The following EYS variants were observed in gnomAD, a reference collection of about 807,000 sequenced individuals.
The protein encoded by EYS is protein eyes shut homolog.
EYS carries 250 observed loss-of-function variants against 282.1 expected under a neutral mutation model. The ratio of observed to expected loss-of-function variants is 0.89; its 90% CI spans 0.80 to 0.98. The LOEUF is 0.98. EYS is among the 50% of genes least tolerant of loss of function. The pLI is 0.00. For synonymous variants in EYS, 1,355 were observed against 1,282.9 expected (o/e 1.06, Z -1.20); for missense variants, 4,016 against 3,709.0 (o/e 1.08, Z -2.15).
chr6:65,438,891 A>G (rs1452000411), intron 5 of EYS, among the ~76,000 whole-genome samples: 9 of 151,926 alleles, frequency 5.9e-5, no homozygotes, highest in Non-Finnish European at 2.9e-5. Flanking sequence ...GGCTTTTGTT[A>G]CCATTGCTTT....
chr6:65,428,188 T>C (rs1582278061), intron 5 of EYS, among the ~76,000 whole-genome samples: 1 of 152,156 alleles, frequency 6.6e-6, no homozygotes, highest in African/African-American at 2.4e-5. Flanking sequence ...AGTATGCTTA[T>C]GTTCATTATT....
chr6:65,359,495 T>C (rs1764617113), intron 8 of EYS, among the ~76,000 whole-genome samples: 1 of 152,016 alleles, frequency 6.6e-6, no homozygotes, highest in South Asian at 2.1e-4. Context: ...TTAGGAAAGA[T>C]AATGATTTCC....
At chr6:64,347,499 G>T (rs565843035) in intron 29 of EYS, among the ~76,000 whole-genome samples, 1 of 151,332 alleles carries the variant, frequency 6.6e-6, no homozygotes, top group South Asian at 2.1e-4. Flanking sequence ...AAATAAATTT[G>T]GCTGCATTTT....
At chr6:64,390,997 T>C in intron 28 of EYS, among the ~76,000 whole-genome samples, 1 of 152,060 alleles carries the variant, frequency 6.6e-6, no homozygotes, top group Non-Finnish European at 1.5e-5. Flanking sequence ...CAGGAGCCGA[T>C]GCGAATCAAC....
At chr6:64,537,083 T>C (rs1393310551) in intron 26 of EYS, among the ~76,000 whole-genome samples, 2 of 151,444 alleles carry the variant, frequency 1.3e-5, no homozygotes, top group African/African-American at 2.4e-5. Flanking sequence ...TGTATACATG[T>C]GCCATGCTGG....
intron 35 of EYS, among the ~76,000 whole-genome samples, chr6:63,969,564 C>G (rs1032197859): frequency 6.6e-6 from 1 of 152,186 alleles, no homozygotes; most frequent in Non-Finnish European, 1.5e-5. Flanking sequence ...ACTATTAGGA[C>G]TTATTTTGTT....
At chr6:64,916,423 T>C (rs988287621) in intron 15 of EYS, among the ~76,000 whole-genome samples, 2 of 152,174 alleles carry the variant, frequency 1.3e-5, no homozygotes, top group Non-Finnish European at 2.9e-5. Flanking sequence ...CTGAGTTCTA[T>C]GGAGATAACA....
intron 35 of EYS, among the ~76,000 whole-genome samples, chr6:63,948,076 T>C (rs1765451602): frequency 6.6e-6 from 1 of 152,166 alleles, no homozygotes; most frequent in Non-Finnish European, 1.5e-5. Context: ...CAAAAACACC[T>C]CAACTATTTG....
At chr6:64,296,108 C>T (rs78598930) in intron 30 of EYS, among the ~76,000 whole-genome samples, 2 of 152,046 alleles carry the variant, frequency 1.3e-5, no homozygotes, top group African/African-American at 4.8e-5. Context: ...CACTTTTTAA[C>T]TCACCTTTAA....
At chr6:64,731,650 G>A (rs145421506) in intron 22 of EYS, among the ~76,000 whole-genome samples, 96 of 152,252 alleles carry the variant, frequency 6.3e-4, no homozygotes, top group African/African-American at 2.1e-3. Flanking sequence ...TCATTGAAAC[G>A]TCAGGAAACA....
At chr6:64,961,822 T>A (rs1769931406) in intron 14 of EYS, among the ~76,000 whole-genome samples, 1 of 152,186 alleles carries the variant, frequency 6.6e-6, no homozygotes, top group African/African-American at 2.4e-5. Context: ...TAGCCTATCT[T>A]TTTATTTATA....
At chr6:64,765,843 A>G (rs1773311319) in intron 22 of EYS, among the ~76,000 whole-genome samples, 1 of 151,856 alleles carries the variant, frequency 6.6e-6, no homozygotes, top group Non-Finnish European at 1.5e-5. Context: ...TCCAATACTA[A>G]GGATACAACT....
intron 18 of EYS, 45 bp from the exon 19 acceptor site, chr6:64,886,887 A>C (rs1165739054): frequency 8.5e-7 from 1 of 1,183,280 alleles, no homozygotes; most frequent in Non-Finnish European, 1.2e-6. Context: ...TAACAATGAT[A>C]ATCATTTATT....
intron 33 of EYS, among the ~76,000 whole-genome samples, chr6:64,055,677 T>A (rs1409265861): frequency 6.6e-6 from 1 of 152,162 alleles, no homozygotes; most frequent in African/African-American, 2.4e-5. Context: ...CTGATGCACA[T>A]CTATACAATT....
chr6:64,947,906 A>T (rs903868869), intron 14 of EYS, among the ~76,000 whole-genome samples: 1 of 151,782 alleles, frequency 6.6e-6, no homozygotes, highest in Non-Finnish European at 1.5e-5. Flanking sequence ...TATTTATGTA[A>T]AGACAAATGC....
At chr6:64,463,510 C>T (rs1289429328) in intron 26 of EYS, among the ~76,000 whole-genome samples, 1 of 152,158 alleles carries the variant, frequency 6.6e-6, no homozygotes, top group Non-Finnish European at 1.5e-5. Flanking sequence ...TAATAATTTT[C>T]AGTACCTTAT....
intron 12 of EYS, among the ~76,000 whole-genome samples, chr6:65,259,728 C>T (rs115445599): frequency 5.5e-4 from 84 of 152,162 alleles, no homozygotes; most frequent in African/African-American, 2.0e-3. Context: ...TAAGACCTAA[C>T]TCGACATATC....
In EYS at chr6:63,721,379, G is replaced by T. The variant is rs923135675; in HGVS notation, c.8652C>A (p.Cys2884Ter). 6.4e-7 allele frequency: 1 copy of T among 1,550,398 alleles called. No individual in the cohort carries two copies. Among genetic ancestry groups the T allele is most frequent in the Non-Finnish European group, 8.7e-7 (1 of 1,146,576 alleles). ...TTACTGTACATTCACCTCCATTTCTGCATGTGTTGTACCCACAGGCTGTCC... is the reference window on the plus strand; with the variant it reads ...TTACTGTACATTCACCTCCATTTCTTCATGTGTTGTACCCACAGGCTGTCC... ...CDGTACGYNTCRNGGECTVNG... is the reference protein window; with the variant it reads ...CDGTACGYNT The change falls in exon 43 of 43, where the codon TGC (cysteine) becomes TGA (stop). Residue 2884 changes from cysteine (C) to a stop codon, truncating the protein, a stop_gained. Transcript: ENST00000503581. LOFTEE classifies it low-confidence loss of function (END_TRUNC).
At chr6:63,991,257 C>T (rs1352875164) in intron 34 of EYS, among the ~76,000 whole-genome samples, 1 of 151,640 alleles carries the variant, frequency 6.6e-6, no homozygotes, top group Non-Finnish European at 1.5e-5. Context: ...TACAAAAAGC[C>T]AGTCCAAAAA....
Sources: gnomAD v4.1 joint callset for allele counts (sites outside exome capture counted in the v4.1 genomes callset) on GRCh38, gnomAD v4.1.1 for gene constraint, MANE v1.5 for transcripts, NCBI Gene and HGNC (gene_info 2026-07-23, HGNC 2026-07-21) for gene names.